The following JAKMIP2 variants were observed in gnomAD, a reference collection of about 807,000 sequenced individuals.
The protein encoded by JAKMIP2 is janus kinase and microtubule interacting protein 2.
JAKMIP2 carries 25 observed loss-of-function variants against 115.0 expected under a neutral mutation model. That is an observed-to-expected ratio of 0.22 (90% confidence interval 0.16 to 0.30). The LOEUF is 0.30. Among genes scored for constraint, JAKMIP2 ranks in the 10% least tolerant of loss-of-function variants. The pLI is 1.00. For missense variants in JAKMIP2, 642 were observed against 957.6 expected, an observed-to-expected ratio of 0.67 and a Z score of 4.35; for synonymous variants, 334 against 343.6, an observed-to-expected ratio of 0.97 and a Z score of 0.31.
intron 1 of JAKMIP2, among the ~76,000 whole-genome samples, chr5:147,688,507 G>A (rs1188476092): frequency 2.6e-5 from 4 of 152,182 alleles, no homozygotes; most frequent in African/African-American, 9.7e-5. Flanking sequence ...TTGCTTCATA[G>A]AGTCTGATTA....
Position 147,659,093 on chromosome 5 carries a change from G to GA in JAKMIP2, c.627+1854dup, listed in dbSNP as rs34795261. Among the ~76,000 whole-genome samples the GA allele has an allele frequency of 6.5e-3, 931 of 143,116 alleles. 7 individuals are homozygous for GA. The highest frequency in any genetic ancestry group is 0.011 in the African/African-American group (447 of 38,956). 93.9% of individuals were successfully genotyped at this position (143,116 alleles called of 152,430 possible). A position where few individuals can be genotyped will look rare whatever the true frequency, so the allele number is the denominator to read the frequency against. On this transcript the variant is annotated intron_variant, in intron 3 of 21. Coordinates refer to ENST00000616793, the MANE Select transcript of JAKMIP2 (RefSeq NM_001270941.2). ...GGAGTTCCAGGCATCGCTGGAGTATGAAAAAAAAAAAAAATCCTGCAGCTC... is the reference window on the plus strand; with the variant it reads ...GGAGTTCCAGGCATCGCTGGAGTATGAAAAAAAAAAAAAAATCCTGCAGCTC...
At chr5:147,702,530 G>GGAGA (rs1216667663) in intron 1 of JAKMIP2, among the ~76,000 whole-genome samples, 2 of 137,130 alleles carry the variant, frequency 1.5e-5, no homozygotes, top group East Asian at 4.2e-4. Context: ...AAGGAGGGAG[G>GGAGA]GAGAGAGAGA....
intron 21 of JAKMIP2, among the ~76,000 whole-genome samples, chr5:147,599,198 G>A (rs910199269): frequency 6.6e-6 from 1 of 152,158 alleles, no homozygotes; most frequent in African/African-American, 2.4e-5. Flanking sequence ...AAGAGTTACT[G>A]ATTAATGATT....
intron 1 of JAKMIP2, among the ~76,000 whole-genome samples, chr5:147,700,325 G>A (rs1483921756): frequency 6.6e-6 from 1 of 152,004 alleles, no homozygotes; most frequent in Non-Finnish European, 1.5e-5. Context: ...AATTATAATT[G>A]AAAATTAAAT....
At chr5:147,627,262 C>T (rs559586525) in intron 16 of JAKMIP2, among the ~76,000 whole-genome samples, 120 of 152,206 alleles carry the variant, frequency 7.9e-4, no homozygotes, top group Middle Eastern at 6.8e-3. Flanking sequence ...CCTAAGGGGG[C>T]TTGGATGAAC....
chr5:147,596,410 T>C (rs1755392627), intron 21 of JAKMIP2, among the ~76,000 whole-genome samples: 1 of 152,134 alleles, frequency 6.6e-6, no homozygotes, highest in African/African-American at 2.4e-5. Flanking sequence ...GGGGATAATA[T>C]ATTTGTTTAT....
chr5:147,650,415 C>A lies in JAKMIP2; in HGVS notation c.760G>T (p.Ala254Ser). 6.2e-7 allele frequency: 1 copy of A among 1,613,856 alleles called. No homozygotes were observed. Among genetic ancestry groups the A allele is most frequent in the South Asian group, 1.1e-5 (1 of 91,060 alleles). ...TTTGGGCTGCTCATGTTGCACTCAGCCTCCTTGACCAGAAAGAGTTGTTCG... is the reference window on the plus strand; with the variant it reads ...TTTGGGCTGCTCATGTTGCACTCAGACTCCTTGACCAGAAAGAGTTGTTCG... ...LDEQLFLVKE[A>S]ECNMSSPKRE... The change falls in exon 4 of 22, where the codon GCT (alanine) becomes TCT (serine). Residue 254 changes from alanine to serine, a missense_variant. This residue lies in a region of JAKMIP2 where 439 missense variants were observed against 570.9 expected (regional missense o/e 0.77). Transcript: ENST00000616793.
chr5:147,597,336 G>T (rs1755449173), intron 21 of JAKMIP2, among the ~76,000 whole-genome samples: 1 of 152,038 alleles, frequency 6.6e-6, no homozygotes, highest in Non-Finnish European at 1.5e-5. Flanking sequence ...CAATAACATA[G>T]TATTATGTGC....
chr5:147,598,835 T>A (rs1054706168), intron 21 of JAKMIP2, among the ~76,000 whole-genome samples: 12 of 152,194 alleles, frequency 7.9e-5, no homozygotes, highest in African/African-American at 2.4e-4. Context: ...ATTAATTTAG[T>A]ATGGAAAAAA....
intron 1 of JAKMIP2, among the ~76,000 whole-genome samples, chr5:147,742,152 TA>T (rs1315648432): frequency 6.8e-5 from 8 of 118,164 alleles, no homozygotes; most frequent in African/African-American, 2.6e-4. Flanking sequence ...TATATATATA[TA>T]TATTTTTTTT....
At chr5:147,725,972 A>T (rs953861607) in intron 1 of JAKMIP2, among the ~76,000 whole-genome samples, 33 of 152,254 alleles carry the variant, frequency 2.2e-4, no homozygotes, top group Non-Finnish European at 4.4e-4. Context: ...TTCCTTCACT[A>T]TTGACAAGTG....
At chr5:147,757,420 T>G (rs79924632) in intron 1 of JAKMIP2, among the ~76,000 whole-genome samples, 2,652 of 152,172 alleles carry the variant, frequency 0.017, 97 homozygotes, top group African/African-American at 0.061. Flanking sequence ...TCCTTAAATT[T>G]TTATAAATAT....
chr5:147,678,827 T>TA (rs968625525), intron 1 of JAKMIP2, among the ~76,000 whole-genome samples: 4 of 151,212 alleles, frequency 2.6e-5, no homozygotes, highest in South Asian at 2.1e-4. Flanking sequence ...AATTGAAAAT[T>TA]AAAAAAAAAC....
At chr5:147,674,194 A>G (rs1179301590) in intron 1 of JAKMIP2, among the ~76,000 whole-genome samples, 1 of 152,174 alleles carries the variant, frequency 6.6e-6, no homozygotes, top group Non-Finnish European at 1.5e-5. Flanking sequence ...CAATTGTCCC[A>G]GATATAAGCC....
At chr5:147,674,923 G>C (rs889446304) in intron 1 of JAKMIP2, among the ~76,000 whole-genome samples, 1 of 152,122 alleles carries the variant, frequency 6.6e-6, no homozygotes, top group Non-Finnish European at 1.5e-5. Flanking sequence ...TGATTTAATG[G>C]TCCATGTGAG....
chr5:147,719,784 G>A (rs1753184453), intron 1 of JAKMIP2, among the ~76,000 whole-genome samples: 1 of 151,576 alleles, frequency 6.6e-6, no homozygotes, highest in Non-Finnish European at 1.5e-5. Flanking sequence ...CACACTGATG[G>A]GTCTTGACTC....
intron 1 of JAKMIP2, among the ~76,000 whole-genome samples, chr5:147,730,043 A>G (rs910383003): frequency 3.3e-5 from 5 of 152,152 alleles, no homozygotes; most frequent in Non-Finnish European, 5.9e-5. Flanking sequence ...CCAATTATTA[A>G]ATAAAAATAA....
At chr5:147,635,552 C>CTTTGTTTTGT (rs749104278) in intron 12 of JAKMIP2, among the ~76,000 whole-genome samples, 1 of 151,992 alleles carries the variant, frequency 6.6e-6, no homozygotes, top group African/African-American at 2.4e-5. Context: ...ATAGAGGTTT[C>CTTTGTTTTGT]TTTGTTTTGT....
chr5:147,715,884 T>C (rs1421728539), intron 1 of JAKMIP2, among the ~76,000 whole-genome samples: 1 of 150,066 alleles, frequency 6.7e-6, no homozygotes, highest in African/African-American at 2.5e-5. Context: ...AGGGTACATG[T>C]GCACAATGTG....
Sources: allele counts gnomAD v4.1 joint callset (sites outside exome capture counted in the v4.1 genomes callset), GRCh38; gene constraint gnomAD v4.1.1; regional missense constraint gnomAD v4.1.1; transcripts MANE v1.5; gene names NCBI Gene and HGNC (gene_info 2026-07-23, HGNC 2026-07-21).